Variants in CDH6 observed in about 807,000 individuals in gnomAD.
CDH6 encodes cadherin 6, also known as cadherin-6.
A neutral mutation model predicts 78.0 loss-of-function variants in CDH6; 31 were observed. The ratio of observed to expected loss-of-function variants is 0.40; its 90% CI spans 0.30 to 0.54. The LOEUF (loss-of-function observed/expected upper bound fraction) is 0.54. CDH6 is among the 20% of genes least tolerant of loss of function. The pLI is 0.56. For synonymous variants in CDH6, 376 were observed against 368.8 expected (o/e 1.02, Z -0.23); for missense variants, 724 against 975.9 (o/e 0.74, Z 3.44).
At chr5:31,292,822 CATATATATATAT>C (rs1160180405) in intron 2 of CDH6, among the ~76,000 whole-genome samples, 20 of 49,952 alleles carry the variant, frequency 4.0e-4, no homozygotes, top group African/African-American at 8.0e-4. Context: ...TATATGTGTG[CATATATATATAT>C]ATATATATAT....
intron 1 of CDH6, among the ~76,000 whole-genome samples, chr5:31,233,904 TCCTC>T (rs761667555): frequency 0.098 from 14,939 of 152,206 alleles, 1,011 homozygotes; most frequent in East Asian, 0.27. Context: ...CGAGTGTGTC[TCCTC>T]TACTAGAACG....
At chr5:31,284,266 T>A (rs989154638) in intron 2 of CDH6, among the ~76,000 whole-genome samples, 10 of 152,208 alleles carry the variant, frequency 6.6e-5, no homozygotes, top group African/African-American at 2.2e-4. Flanking sequence ...ACCCCAGCTA[T>A]CTCAATGGGG....
chr5:31,276,228 C>CT (rs140972823), intron 2 of CDH6, among the ~76,000 whole-genome samples: 8,943 of 152,192 alleles, frequency 0.059, 895 homozygotes, highest in African/African-American at 0.21. Flanking sequence ...AAAATTAGAG[C>CT]TTTTTTATCA....
intron 1 of CDH6, among the ~76,000 whole-genome samples, chr5:31,202,301 AAAAG>A (rs1371621236): frequency 3.9e-5 from 6 of 152,222 alleles, no homozygotes; most frequent in African/African-American, 1.4e-4. Flanking sequence ...GCAGAATTAA[AAAAG>A]AAAGAGAGTC....
Position 31,326,680 on chromosome 5 carries a change from A to ATTTTTTTTTT in CDH6, c.*3372_*3373insTTTTTTTTTT, listed in dbSNP as rs750696655. On this transcript the variant is annotated 3_prime_UTR_variant, in exon 12 of 12. Coordinates refer to ENST00000265071, the MANE Select transcript of CDH6 (RefSeq NM_004932.4). ...CAAAGAGTTGTGCAGAAAATCTTAA[A>ATTTTTTTTTT]ATTTTTTTTTTTTTTTTTTTTTTTT... 7.7e-6 allele frequency: 1 copy of ATTTTTTTTTT among 130,318 alleles called. No individual in the cohort carries two copies. The highest frequency in any genetic ancestry group is 2.9e-5 in the African/African-American group (1 of 34,296). The allele number at this position is 130,318 out of a possible 1,614,324, so 8.1% of individuals were successfully genotyped here. A position where few individuals can be genotyped will look rare whatever the true frequency, so the allele number is the denominator to read the frequency against.
intron 1 of CDH6, among the ~76,000 whole-genome samples, chr5:31,241,701 G>T (rs887016594): frequency 6.6e-6 from 1 of 152,210 alleles, no homozygotes; most frequent in East Asian, 1.9e-4. Context: ...AACAAATGGA[G>T]TGCAGAAGAT....
At chr5:31,265,770 T>G (rs1380786637) in intron 1 of CDH6, among the ~76,000 whole-genome samples, 1 of 19,504 alleles carries the variant, frequency 5.1e-5, no homozygotes, top group Non-Finnish European at 1.0e-4. Context: ...TAAGACAATG[T>G]TTTTTTTTTT....
intron 3 of CDH6, among the ~76,000 whole-genome samples, chr5:31,296,486 T>A (rs903560780): frequency 6.6e-6 from 1 of 152,192 alleles, no homozygotes; most frequent in African/African-American, 2.4e-5. Context: ...TTAAGTATAA[T>A]GACCTTTTGG....
At chr5:31,203,201 C>A (rs747245824) in intron 1 of CDH6, among the ~76,000 whole-genome samples, 1 of 146,352 alleles carries the variant, frequency 6.8e-6, no homozygotes, top group Non-Finnish European at 1.5e-5. Flanking sequence ...TTTTATAAAG[C>A]GAGAGAGAGA....
chr5:31,264,904 T>A (rs1287515639), intron 1 of CDH6, among the ~76,000 whole-genome samples: 2 of 152,182 alleles, frequency 1.3e-5, no homozygotes, highest in East Asian at 3.8e-4. Flanking sequence ...TATTTAATAT[T>A]CAAGTGGCAA....
At chr5:31,243,464 T>A (rs1741659185) in intron 1 of CDH6, among the ~76,000 whole-genome samples, 1 of 152,186 alleles carries the variant, frequency 6.6e-6, no homozygotes, top group Non-Finnish European at 1.5e-5. Context: ...AAGATTTTAG[T>A]GAAAATAGTT....
intron 2 of CDH6, among the ~76,000 whole-genome samples, chr5:31,287,453 A>G (rs1211489569): frequency 1.3e-5 from 2 of 152,202 alleles, no homozygotes; most frequent in Admixed American, 6.5e-5. Context: ...TCTCTGAGGT[A>G]GGCCCTCTAC....
At position 31,324,573 on chromosome 5, in the gene CDH6, T is replaced by G. The variant is rs913897527; in HGVS notation, c.*1265T>G. On this transcript the variant is annotated 3_prime_UTR_variant, in exon 12 of 12. Transcript: ENST00000265071. ...TTAAGATTGTAATTAAAATGATAGT[T>G]GATTTTCAAAAGCATTAATTTTTTT... 3.3e-5 allele frequency: 7 copies of G among 211,912 alleles called. No individual in the cohort carries two copies. Among genetic ancestry groups the G allele is most frequent in the Non-Finnish European group, 5.7e-5 (6 of 104,772 alleles). The allele number at this position is 211,912 out of a possible 1,614,324, so 13.1% of individuals were successfully genotyped here.
At chr5:31,230,933 C>G (rs1222310104) in intron 1 of CDH6, among the ~76,000 whole-genome samples, 6 of 152,146 alleles carry the variant, frequency 3.9e-5, no homozygotes, top group African/African-American at 1.4e-4. Context: ...TTAAGACGAA[C>G]AAACTCTTTA....
At chr5:31,267,786 T>A in intron 2 of CDH6, 85 bp downstream of exon 2, 1 of 952,690 alleles carries the variant, frequency 1.0e-6, no homozygotes, top group Non-Finnish European at 1.6e-6. Context: ...GGATGTGTAC[T>A]ATTCCCCAAT....
chr5:31,315,571 C>T (rs10057602), intron 8 of CDH6, among the ~76,000 whole-genome samples: 1,896 of 152,334 alleles, frequency 0.012, 42 homozygotes, highest in African/African-American at 0.044. Context: ...TCCAAATGAA[C>T]AGCCTGGGCT....
intron 1 of CDH6, among the ~76,000 whole-genome samples, chr5:31,242,384 AC>A (rs1396730878): frequency 2.0e-5 from 3 of 152,040 alleles, no homozygotes; most frequent in Non-Finnish European, 4.4e-5. Context: ...TTGTCTCTCA[AC>A]TCTTGCTGGA....
intron 1 of CDH6, among the ~76,000 whole-genome samples, chr5:31,227,336 A>G (rs1165482300): frequency 6.6e-6 from 1 of 152,086 alleles, no homozygotes; most frequent in Non-Finnish European, 1.5e-5. Context: ...GATACTTTAC[A>G]TATTTTCATT....
chr5:31,300,894 G>A (rs1239703992), intron 5 of CDH6, among the ~76,000 whole-genome samples: 4 of 152,218 alleles, frequency 2.6e-5, no homozygotes, highest in Admixed American at 1.3e-4. Flanking sequence ...GCTGAGGGAG[G>A]AAGACTGTGT....
Sources: allele counts gnomAD v4.1 joint callset (sites outside exome capture counted in the v4.1 genomes callset), GRCh38; gene constraint gnomAD v4.1.1; transcripts MANE v1.5; gene names NCBI Gene and HGNC (gene_info 2026-07-23, HGNC 2026-07-21).